The following ANKRD12 variants were observed in gnomAD, a reference collection of about 807,000 sequenced individuals.
ANKRD12 encodes ankyrin repeat domain 12, also known as ankyrin repeat domain-containing protein 12.
ANKRD12 carries 85 observed loss-of-function variants against 183.4 expected under a neutral mutation model. The ratio of observed to expected loss-of-function variants is 0.46; its 90% confidence interval spans 0.39 to 0.56. The LOEUF (loss-of-function observed/expected upper bound fraction) is 0.56, where lower values mean the gene tolerates loss of function less well. Among genes scored for constraint, ANKRD12 ranks in the 20% least tolerant of loss-of-function variants. ANKRD12 has a pLI of 0.00. For missense variants in ANKRD12, 2,405 were observed against 2,357.1 expected (o/e 1.02, Z -0.42); for synonymous variants, 914 against 800.2 (o/e 1.14, Z -2.40).
intron 6 of ANKRD12, among the ~76,000 whole-genome samples, chr18:9,214,889 A>G (rs1311991930): frequency 2.0e-5 from 3 of 152,188 alleles, no homozygotes; most frequent in Non-Finnish European, 2.9e-5. Flanking sequence ...CAAGATTGCT[A>G]TAAAAAAGGC....
intron 1 of ANKRD12, among the ~76,000 whole-genome samples, chr18:9,174,202 T>C (rs927560321): frequency 6.6e-6 from 1 of 152,094 alleles, no homozygotes; most frequent in Non-Finnish European, 1.5e-5. Flanking sequence ...CAGCCGCCCC[T>C]CCCCCTGAAA....
chr18:9,227,383 G>A (rs997089246), intron 8 of ANKRD12, among the ~76,000 whole-genome samples: 2 of 152,076 alleles, frequency 1.3e-5, no homozygotes, highest in South Asian at 2.1e-4. Flanking sequence ...CACCTTCCAG[G>A]TTATGATCTT....
In ANKRD12 at chr18:9,283,489, G is replaced by C. The variant is rs190837377; in HGVS notation, c.*2363G>C. 5 of 152,422 alleles carry C rather than the reference G, an allele frequency of 3.3e-5. No individual in the cohort carries two copies. The highest frequency in any genetic ancestry group is 3.3e-4 in the Admixed American group (5 of 15,294). 9.4% of individuals were successfully genotyped at this position (152,422 alleles called of 1,614,324 possible). ...TTGGAAATGTATAATCAAATAAGTAGTTAAGGGCTTTTGGTATTAAAGATA... is the reference window on the plus strand; with the variant it reads ...TTGGAAATGTATAATCAAATAAGTACTTAAGGGCTTTTGGTATTAAAGATA... On this transcript the variant is annotated 3_prime_UTR_variant, in exon 13 of 13. Coordinates refer to ENST00000262126, the MANE Select transcript of ANKRD12 (RefSeq NM_015208.5).
chr18:9,137,729 TC>T (rs1450824439), intron 1 of ANKRD12: 1 of 152,352 alleles, frequency 6.6e-6, no homozygotes, highest in African/African-American at 2.4e-5. Context: ...GACAGGCAGT[TC>T]CCGTCATCGT....
At chr18:9,182,316 A>T in intron 1 of ANKRD12, 66 bp from the exon 2 acceptor site, 1 of 226,400 alleles carries the variant, frequency 4.4e-6, no homozygotes. Context: ...AACAAATTGG[A>T]CTAATTGTGG....
At chr18:9,229,248 T>C (rs539928969) in intron 8 of ANKRD12, among the ~76,000 whole-genome samples, 35 of 152,330 alleles carry the variant, frequency 2.3e-4, no homozygotes, top group African/African-American at 8.2e-4. Context: ...CTTTGTTCTA[T>C]TTGCTCAGGA....
intron 1 of ANKRD12, among the ~76,000 whole-genome samples, chr18:9,150,147 C>T (rs1443540143): frequency 6.6e-6 from 1 of 152,020 alleles, no homozygotes; most frequent in Non-Finnish European, 1.5e-5. Flanking sequence ...GCTCAGTTTC[C>T]CGAAAGGTAT....
intron 1 of ANKRD12, among the ~76,000 whole-genome samples, chr18:9,166,749 T>C (rs1052219519): frequency 5.9e-5 from 9 of 152,224 alleles, no homozygotes; most frequent in African/African-American, 2.2e-4. Flanking sequence ...ATTTTGGCTT[T>C]TGTTGCCATT....
intron 11 of ANKRD12, among the ~76,000 whole-genome samples, chr18:9,276,530 A>G (rs1242827640): frequency 1.3e-5 from 2 of 152,094 alleles, no homozygotes; most frequent in Non-Finnish European, 2.9e-5. Flanking sequence ...CTTGGGAAAC[A>G]TGGTGAAACC....
intron 8 of ANKRD12, among the ~76,000 whole-genome samples, chr18:9,251,353 T>G (rs2038286977): frequency 6.6e-6 from 1 of 152,228 alleles, no homozygotes; most frequent in Admixed American, 6.5e-5. Flanking sequence ...CTAAGGATAA[T>G]AGAGAATTCA....
At chr18:9,244,161 CTT>C (rs1027728320) in intron 8 of ANKRD12, among the ~76,000 whole-genome samples, 3 of 152,144 alleles carry the variant, frequency 2.0e-5, no homozygotes, top group African/African-American at 7.2e-5. Flanking sequence ...GAAAGTGTCT[CTT>C]AACTGAAGAA....
intron 8 of ANKRD12, among the ~76,000 whole-genome samples, chr18:9,252,529 A>C (rs150243126): frequency 4.7e-4 from 72 of 152,342 alleles, no homozygotes; most frequent in African/African-American, 1.3e-3. Flanking sequence ...CTTTCCTTTT[A>C]AAAAAGTAGG....
intron 1 of ANKRD12, among the ~76,000 whole-genome samples, chr18:9,158,853 T>G (rs2030986463): frequency 6.6e-6 from 1 of 152,234 alleles, no homozygotes; most frequent in Admixed American, 6.5e-5. Flanking sequence ...ATGGAAGACT[T>G]ACTCAATGTC....
At chr18:9,253,807 G>T (rs763659874) in intron 8 of ANKRD12, among the ~76,000 whole-genome samples, 10 of 152,126 alleles carry the variant, frequency 6.6e-5, no homozygotes, top group Non-Finnish European at 1.5e-4. Context: ...CAGTTTGGAG[G>T]TTCTCCAAAA....
intron 8 of ANKRD12, among the ~76,000 whole-genome samples, chr18:9,249,329 C>T (rs1270710951): frequency 2.0e-5 from 3 of 152,154 alleles, no homozygotes; most frequent in South Asian, 2.1e-4. Context: ...TCCCTGGGTG[C>T]TATAAATGGT....
chr18:9,179,204 A>AT (rs1567883561), intron 1 of ANKRD12, among the ~76,000 whole-genome samples: 2 of 152,152 alleles, frequency 1.3e-5, no homozygotes, highest in Non-Finnish European at 2.9e-5. Context: ...ATAGATTATC[A>AT]TGGTATCTGG....
intron 8 of ANKRD12, among the ~76,000 whole-genome samples, chr18:9,246,272 C>A (rs927873447): frequency 6.6e-6 from 1 of 152,134 alleles, no homozygotes; most frequent in Non-Finnish European, 1.5e-5. Context: ...CCTTTCCCTT[C>A]TAAGGAGTGC....
At chr18:9,137,859 CG>C (rs1307516709) in intron 1 of ANKRD12, 1 of 152,192 alleles carries the variant, frequency 6.6e-6, no homozygotes, top group African/African-American at 2.4e-5. Context: ...GTTGAATAAA[CG>C]GTTGTACAAA....
intron 1 of ANKRD12, among the ~76,000 whole-genome samples, chr18:9,138,203 A>G (rs2078190399): frequency 6.6e-6 from 1 of 152,176 alleles, no homozygotes; most frequent in Admixed American, 6.5e-5. Context: ...TTTATCGTAA[A>G]TTAACTGTGT....
Sources: gnomAD v4.1 joint callset for allele counts (sites outside exome capture counted in the v4.1 genomes callset) on GRCh38, gnomAD v4.1.1 for gene constraint, MANE v1.5 for transcripts, NCBI Gene and HGNC (gene_info 2026-07-23, HGNC 2026-07-21) for gene names.